Variants in LARGE1 observed in about 807,000 individuals in gnomAD.
The protein encoded by LARGE1 is xylosyl- and glucuronyltransferase LARGE1.
Under a neutral mutation model 87.6 loss-of-function variants are expected in LARGE1, and 43 were observed. The observed-to-expected ratio is 0.49, with a 90% CI of 0.38 to 0.63. The LOEUF (loss-of-function observed/expected upper bound fraction) is 0.63, where lower values mean the gene tolerates loss of function less well. Ranked by LOEUF, LARGE1 falls within the 30% of genes least tolerant of loss-of-function variation. The pLI, the probability that LARGE1 is intolerant of heterozygous loss-of-function variation, is 0.00. For synonymous variants in LARGE1, 434 were observed against 394.6 expected (o/e 1.10, Z -1.18); for missense variants, 802 against 1,000.2 (o/e 0.80, Z 2.67).
intron 7 of LARGE1, among the ~76,000 whole-genome samples, chr22:33,388,690 C>G (rs2065410474): frequency 6.6e-6 from 1 of 152,198 alleles, no homozygotes; most frequent in Non-Finnish European, 1.5e-5. Context: ...CTCAGCATCC[C>G]AAGTAACTGG....
intron 6 of LARGE1, among the ~76,000 whole-genome samples, chr22:33,458,326 G>A (rs377316876): frequency 1.2e-4 from 18 of 152,150 alleles, no homozygotes; most frequent in African/African-American, 4.1e-4. Context: ...GGATGGTCTC[G>A]ATCTCCTGAC....
At chr22:33,581,198 G>C (rs2078508969) in intron 5 of LARGE1, among the ~76,000 whole-genome samples, 1 of 152,178 alleles carries the variant, frequency 6.6e-6, no homozygotes, top group South Asian at 2.1e-4. Context: ...AAGTGGGAGA[G>C]TTAAAATTTG....
intron 12 of LARGE1, among the ~76,000 whole-genome samples, chr22:33,289,328 A>G (rs1380876170): frequency 1.3e-5 from 2 of 152,204 alleles, no homozygotes; most frequent in African/African-American, 4.8e-5. Context: ...CCCTGTGAAC[A>G]TAAGTGACTT....
chr22:33,574,447 C>A (rs2078292357), intron 5 of LARGE1, among the ~76,000 whole-genome samples: 3 of 151,908 alleles, frequency 2.0e-5, no homozygotes, highest in African/African-American at 7.3e-5. Flanking sequence ...AATATAGATG[C>A]AACCATCTAT....
At chr22:33,135,846 TA>T in the LARGE1 span, among the ~76,000 whole-genome samples, 1 of 142,858 alleles carries the variant, frequency 7.0e-6, no homozygotes, top group South Asian at 2.4e-4. Flanking sequence ...TCTCAAAAAA[TA>T]AAAATAAAAC....
intron 11 of LARGE1, among the ~76,000 whole-genome samples, chr22:33,239,965 G>T (rs1455245024): frequency 6.6e-6 from 1 of 152,182 alleles, no homozygotes; most frequent in Non-Finnish European, 1.5e-5. Flanking sequence ...ATATATATTT[G>T]CAAGTCTTCT....
At chr22:33,240,732 G>A (rs1045507073) in intron 11 of LARGE1, among the ~76,000 whole-genome samples, 1 of 152,226 alleles carries the variant, frequency 6.6e-6, no homozygotes, top group East Asian at 1.9e-4. Flanking sequence ...GATCAATTTG[G>A]GGAGATTGGA....
the LARGE1 span, among the ~76,000 whole-genome samples, chr22:33,141,751 G>C: frequency 2.6e-5 from 4 of 152,076 alleles, no homozygotes; most frequent in African/African-American, 9.7e-5. Context: ...TATGCTTTTG[G>C]TATATGTAAG....
chr22:33,741,599 T>G (rs1413856484), intron 2 of LARGE1, among the ~76,000 whole-genome samples: 1 of 151,874 alleles, frequency 6.6e-6, no homozygotes, highest in Non-Finnish European at 1.5e-5. Flanking sequence ...GGGCTTGGAG[T>G]TGCGAGAAGA....
chr22:33,306,184 C>T (rs185357567), intron 11 of LARGE1, among the ~76,000 whole-genome samples: 4 of 152,280 alleles, frequency 2.6e-5, no homozygotes, highest in South Asian at 2.1e-4. Context: ...TTCTCCATGA[C>T]GCCTAATTGC....
intron 2 of LARGE1, among the ~76,000 whole-genome samples, chr22:33,701,261 C>CA (rs1401397829): frequency 2.0e-5 from 3 of 151,900 alleles, no homozygotes; most frequent in Admixed American, 2.0e-4. Flanking sequence ...AGAAGAACGG[C>CA]AACAGATGGA....
intron 1 of LARGE1, among the ~76,000 whole-genome samples, chr22:33,779,524 A>T (rs2085350331): frequency 6.6e-6 from 1 of 152,144 alleles, no homozygotes; most frequent in Non-Finnish European, 1.5e-5. Flanking sequence ...TCATGCCTGT[A>T]ATCTCAGGAC....
At chr22:33,201,445 A>G (rs76975390) in intron 11 of LARGE1, among the ~76,000 whole-genome samples, 34,057 of 126,190 alleles carry the variant, frequency 0.27, 4,114 homozygotes, top group Middle Eastern at 0.39. Context: ...GGAAGGAAGG[A>G]AGGGAGGAGA....
the LARGE1 span, among the ~76,000 whole-genome samples, chr22:33,150,806 G>A: frequency 1.3e-5 from 2 of 152,160 alleles, no homozygotes; most frequent in South Asian, 4.1e-4. Context: ...TTATTGATGT[G>A]TGAGCATATC....
At chr22:33,590,794 G>C (rs549876727) in intron 5 of LARGE1, among the ~76,000 whole-genome samples, 1 of 152,298 alleles carries the variant, frequency 6.6e-6, no homozygotes, top group South Asian at 2.1e-4. Context: ...TATGAATAAA[G>C]CTGCCACGAA....
chr22:33,790,333 G>A (rs1315504807), intron 1 of LARGE1, among the ~76,000 whole-genome samples: 1 of 152,154 alleles, frequency 6.6e-6, no homozygotes, highest in Non-Finnish European at 1.5e-5. Context: ...CCACTGTCCA[G>A]TATGTCTTTA....
intron 7 of LARGE1, among the ~76,000 whole-genome samples, chr22:33,417,397 G>A (rs956234365): frequency 1.3e-5 from 2 of 152,196 alleles, no homozygotes; most frequent in South Asian, 2.1e-4. Context: ...ATGCAGGTGG[G>A]AGTGTAGAAT....
At chr22:33,286,461 G>T (rs372471001) in intron 12 of LARGE1, among the ~76,000 whole-genome samples, 1 of 152,162 alleles carries the variant, frequency 6.6e-6, no homozygotes, top group South Asian at 2.1e-4. Context: ...ATTGGTGGGT[G>T]GTTGCTACCC....
chr22:33,748,024 CAAAAAAAAAAAAAAAAAA>C (rs535230421), intron 2 of LARGE1, among the ~76,000 whole-genome samples: 3 of 21,726 alleles, frequency 1.4e-4, no homozygotes, highest in Non-Finnish European at 3.7e-4. Context: ...TCTGCTGGAG[CAAAAAAAAAAAAAAAAAA>C]AAAAAAAAAA....
Sources: gnomAD v4.1 joint callset for allele counts (sites outside exome capture counted in the v4.1 genomes callset) on GRCh38, gnomAD v4.1.1 for gene constraint, MANE v1.5 for transcripts, NCBI Gene and HGNC (gene_info 2026-07-23, HGNC 2026-07-21) for gene names.